Variants in ZNF736 observed in about 807,000 individuals in gnomAD.
ZNF736 encodes the protein KRAB-containing zinc-finger repressor protein.
In ZNF736, 6 loss-of-function variants were observed where a neutral mutation model predicts 11.7. That is an observed-to-expected ratio of 0.51 (90% CI 0.28 to 1.01). The LOEUF (loss-of-function observed/expected upper bound fraction) is 1.01, where lower values mean the gene tolerates loss of function less well. Ranked by LOEUF, ZNF736 falls within the 50% of genes least tolerant of loss-of-function variation. ZNF736 has a pLI of 0.09. For missense variants in ZNF736, 444 were observed against 496.0 expected, an observed-to-expected ratio of 0.90 and a Z score of 1.00; for synonymous variants, 139 against 164.7, an observed-to-expected ratio of 0.84 and a Z score of 1.19.
At chr7:64,332,737 A>C (rs893987858) in intron 1 of ZNF736, among the ~76,000 whole-genome samples, 1 of 152,094 alleles carries the variant, frequency 6.6e-6, no homozygotes, top group African/African-American at 2.4e-5. Flanking sequence ...ACCTCCCCCC[A>C]GGAGTGCATT....
In ZNF736 at chr7:64,348,369, G is replaced by T; in HGVS notation, c.506G>T (p.Arg169Ile). The change falls in exon 4 of 4, where the codon AGA becomes ATA. Residue 169 changes from arginine (R) to isoleucine (I), a missense_variant. Coordinates refer to ENST00000423484, the MANE Select transcript of ZNF736 (RefSeq NM_001170905.3). ...ACTGAACATAAAGACATTTTTAGCA[G>T]AGAGAAATGCCACAAATGTGAAGAA... ...IFTEHKDIFS[R>I]EKCHKCEECG... The T allele has an allele frequency of 6.4e-7, 1 of 1,551,302 alleles. No individual in the cohort carries two copies. Among genetic ancestry groups the T allele is most frequent in the Non-Finnish European group, 8.7e-7 (1 of 1,146,842 alleles).
In ZNF736 at chr7:64,352,684, A is replaced by T. The variant is rs1037165182; in HGVS notation, c.*3537A>T. 7.2e-5 allele frequency: 11 copies of T among 152,278 alleles called. No individual in the cohort carries two copies. The highest frequency in any genetic ancestry group is 2.7e-4 in the African/African-American group (11 of 41,460). 9.4% of individuals were successfully genotyped at this position (152,278 alleles called of 1,614,324 possible). ...GGAATGAAACGGGGGACCTGCTTTA[A>T]CAGGCAGTCTGGCCATGTCTTTTTA... On this transcript the variant is annotated 3_prime_UTR_variant, in exon 4 of 4. Coordinates refer to ENST00000423484, the MANE Select transcript of ZNF736 (RefSeq NM_001170905.3).
Position 64,353,032 on chromosome 7 carries a change from G to A in ZNF736, c.*3885G>A, listed in dbSNP as rs903888173. 1 of 152,380 alleles carries A rather than the reference G, an allele frequency of 6.6e-6. No individual in the cohort carries two copies. Among genetic ancestry groups the A allele is most frequent in the Non-Finnish European group, 1.5e-5 (1 of 68,168 alleles). The allele number at this position is 152,380 out of a possible 1,614,324, so 9.4% of individuals were successfully genotyped here. On this transcript the variant is annotated 3_prime_UTR_variant, in exon 4 of 4. Coordinates refer to ENST00000423484, the MANE Select transcript of ZNF736 (RefSeq NM_001170905.3). ...GAGTTGCAGCTACTTTTTCTGGGAA[G>A]CCTGGAAAGCCAGTATCTAAGGCTC...
In ZNF736 at chr7:64,350,638, A is replaced by G. The variant is rs762426168; in HGVS notation, c.*1491A>G. ...TTTATCTTTGCACTGATTGTGTCTT[A>G]TCTTTGTGGGCATATCTTTGAGGTT... On this transcript the variant is annotated 3_prime_UTR_variant, in exon 4 of 4. Coordinates refer to ENST00000423484, the MANE Select transcript of ZNF736 (RefSeq NM_001170905.3). 6.8e-6 allele frequency: 1 copy of G among 146,544 alleles called. No individual in the cohort carries two copies. Among genetic ancestry groups the G allele is most frequent in the Non-Finnish European group, 1.5e-5 (1 of 66,988 alleles). The allele number at this position is 146,544 out of a possible 1,614,324, so 9.1% of individuals were successfully genotyped here.
At chr7:64,333,146 T>C (rs961392566) in intron 1 of ZNF736, among the ~76,000 whole-genome samples, 5 of 152,214 alleles carry the variant, frequency 3.3e-5, no homozygotes, top group Non-Finnish European at 4.4e-5. Context: ...TCACAATTCA[T>C]GTTCCTCTGC....
At position 64,334,187 on chromosome 7, in the gene ZNF736, A is replaced by G. The variant is rs1789214073; in HGVS notation, c.4-2072A>G. 3.3e-5 allele frequency among the ~76,000 whole-genome samples: 5 copies of G among 152,248 alleles called. No individual in the cohort carries two copies. The South Asian group carries it at 1.0e-3, about 31-fold the overall frequency. On this transcript the variant is annotated intron_variant, in intron 1 of 3. Transcript: ENST00000423484. ...CTTAAATGTAAAACCTAAAACCATG[A>G]AAACTCTAGAAGAAAACCTAGGTAA...
chr7:64,316,515 A>T (rs1256576904), intron 1 of ZNF736, among the ~76,000 whole-genome samples: 1 of 152,240 alleles, frequency 6.6e-6, no homozygotes, highest in Non-Finnish European at 1.5e-5. Context: ...TCTGCCACAC[A>T]GGGGGCAAGT....
intron 1 of ZNF736, among the ~76,000 whole-genome samples, chr7:64,319,378 T>TGC (rs1788969403): frequency 7.6e-6 from 1 of 132,232 alleles, no homozygotes; most frequent in Admixed American, 7.8e-5. Flanking sequence ...TATATATATA[T>TGC]ATGCCTGACT....
At chr7:64,323,898 T>TA (rs1278557159) in intron 1 of ZNF736, among the ~76,000 whole-genome samples, 2 of 152,132 alleles carry the variant, frequency 1.3e-5, no homozygotes, top group African/African-American at 4.8e-5. Flanking sequence ...TTGATTTTTT[T>TA]AAAAAAGTAA....
At chr7:64,330,516 G>A (rs1483150323) in intron 1 of ZNF736, among the ~76,000 whole-genome samples, 1 of 151,968 alleles carries the variant, frequency 6.6e-6, no homozygotes, top group Non-Finnish European at 1.5e-5. Flanking sequence ...AGGAGCCAAG[G>A]CCTGAAATCA....
intron 3 of ZNF736, 82 bp from the exon 4 acceptor site, chr7:64,348,008 A>G: frequency 8.6e-7 from 1 of 1,158,068 alleles, no homozygotes; most frequent in Non-Finnish European, 1.2e-6. Context: ...TTATCGTTTT[A>G]TTAATTGCTT....
At chr7:64,325,723 A>T (rs1455239816) in intron 1 of ZNF736, among the ~76,000 whole-genome samples, 1 of 152,230 alleles carries the variant, frequency 6.6e-6, no homozygotes, top group Non-Finnish European at 1.5e-5. Flanking sequence ...TGTCTCTGTT[A>T]AATGTATGTA....
rs1171119568 is a variant in ZNF736 at position 64,353,718 on chromosome 7, A to G, written c.*4571A>G. ...AGGCCACTTATTAGTTTACAGCAGTATCGTAAGTGACAGGATGATAGGAGT... is the reference window on the plus strand; with the variant it reads ...AGGCCACTTATTAGTTTACAGCAGTGTCGTAAGTGACAGGATGATAGGAGT... On this transcript the variant is annotated 3_prime_UTR_variant, in exon 4 of 4. Coordinates refer to ENST00000423484, the MANE Select transcript of ZNF736 (RefSeq NM_001170905.3). The G allele has an allele frequency of 6.6e-6, 1 of 151,912 alleles. No homozygotes were observed. The highest frequency in any genetic ancestry group is 2.4e-5 in the African/African-American group (1 of 41,230). The allele number at this position is 151,912 out of a possible 1,614,324, so 9.4% of individuals were successfully genotyped here. A position where few individuals can be genotyped will look rare whatever the true frequency, so the allele number is the denominator to read the frequency against.
rs560616545 is a variant in ZNF736, at chr7:64,343,411, G to A, written c.227-4679G>A. Among the ~76,000 whole-genome samples, 34 of 152,308 alleles carry A rather than the reference G, an allele frequency of 2.2e-4. 1 individual carries two copies. The highest frequency in any genetic ancestry group is 6.8e-3 in the Middle Eastern group (2 of 294). ...ACAATAGACACTGGGGACCACTAGA[G>A]GAGGAAAGGAAGAAAGAGACAAGGC... On this transcript the variant is annotated intron_variant, in intron 3 of 3. Coordinates refer to ENST00000423484, the MANE Select transcript of ZNF736 (RefSeq NM_001170905.3).
intron 3 of ZNF736, among the ~76,000 whole-genome samples, chr7:64,347,115 T>A (rs550085043): frequency 6.6e-6 from 1 of 152,066 alleles, no homozygotes; most frequent in East Asian, 1.9e-4. Flanking sequence ...TCTGAGGGAA[T>A]ATGATACCAA....
In ZNF736 at chr7:64,336,829, C is replaced by G. The variant is rs767437067; in HGVS notation, c.131-58C>G. On this transcript the variant is annotated intron_variant, in intron 2 of 3. Transcript: ENST00000423484. ...TCTCTCTTCTCTACTGAGCATAGTACTAGATTAGTAATCAGATTATCCTAG... is the reference window on the plus strand; with the variant it reads ...TCTCTCTTCTCTACTGAGCATAGTAGTAGATTAGTAATCAGATTATCCTAG... 4.1e-5 allele frequency: 55 copies of G among 1,342,404 alleles called. No homozygotes were observed. In the Admixed American group the frequency reaches 4.3e-4, roughly 11 times the overall value. The allele number at this position is 1,342,404 out of a possible 1,614,324, so 83.2% of individuals were successfully genotyped here.
intron 1 of ZNF736, among the ~76,000 whole-genome samples, chr7:64,328,272 G>C (rs1789109871): frequency 6.8e-6 from 1 of 147,380 alleles, no homozygotes; most frequent in Admixed American, 6.7e-5. Flanking sequence ...TTTTATGGTA[G>C]AAGGATATTT....
At position 64,331,370 on chromosome 7, in the gene ZNF736, G is replaced by A. The variant is rs144148745; in HGVS notation, c.4-4889G>A. 5.7e-4 allele frequency among the ~76,000 whole-genome samples: 87 copies of A among 152,218 alleles called. 1 individual carries two copies. In the East Asian group the frequency reaches 0.011, roughly 20 times the overall value. On this transcript the variant is annotated intron_variant, in intron 1 of 3. Transcript: ENST00000423484. The stretch of plus-strand genomic sequence containing the variant: ...TTTACTGCACAGTCTCACAATCACC[G>A]CACTCTCCCTTCTGTAAGCACATGG...
In ZNF736 at chr7:64,352,418, G is replaced by A. The variant is rs1274202353; in HGVS notation, c.*3271G>A. ...CATGATTGGGGACCCACTTAAGAAA[G>A]CAGTCTAGCCATATTTTTGCAGGAC... On this transcript the variant is annotated 3_prime_UTR_variant, in exon 4 of 4. Transcript: ENST00000423484. 1 of 152,206 alleles carries A rather than the reference G, an allele frequency of 6.6e-6. No individual in the cohort carries two copies. The highest frequency in any genetic ancestry group is 2.4e-5 in the African/African-American group (1 of 41,444). 9.4% of individuals were successfully genotyped at this position (152,206 alleles called of 1,614,324 possible).
Sources: gnomAD v4.1 joint callset for allele counts (sites outside exome capture counted in the v4.1 genomes callset) on GRCh38, gnomAD v4.1.1 for gene constraint, MANE v1.5 for transcripts, NCBI Gene and HGNC (gene_info 2026-07-23, HGNC 2026-07-21) for gene names.